The following SAMD5 variants were observed in gnomAD, a reference collection of about 807,000 sequenced individuals.
The protein encoded by SAMD5 is sterile alpha motif domain-containing protein 5.
In SAMD5, 13 loss-of-function variants were observed where a neutral mutation model predicts 11.3. That is an observed-to-expected ratio of 1.15 (90% CI 0.75 to 1.83). The LOEUF (loss-of-function observed/expected upper bound fraction) is 1.83, where lower values mean the gene tolerates loss of function less well. SAMD5 is among the 40% of genes most tolerant of loss of function. The pLI is 0.00. For missense variants in SAMD5, 255 were observed against 239.1 expected (o/e 1.07, Z -0.44); for synonymous variants, 129 against 111.3 (o/e 1.16, Z -1.00).
At chr6:147,938,387 G>A in the SAMD5 span, among the ~76,000 whole-genome samples, 18 of 152,164 alleles carry the variant, frequency 1.2e-4, no homozygotes, top group Non-Finnish European at 2.5e-4. Context: ...TACCTCTTTT[G>A]TGCTACTAAT....
the SAMD5 span, among the ~76,000 whole-genome samples, chr6:147,841,188 C>G: frequency 1.3e-5 from 2 of 152,156 alleles, no homozygotes; most frequent in Non-Finnish European, 2.9e-5. Flanking sequence ...GCTTCATTAT[C>G]TGCGTTTTGA....
chr6:147,919,363 G>A, the SAMD5 span, among the ~76,000 whole-genome samples: 1 of 152,186 alleles, frequency 6.6e-6, no homozygotes, highest in East Asian at 1.9e-4. Flanking sequence ...ATAACTTGGG[G>A]GCCGTCATGT....
chr6:147,511,607 T>G (rs1554229681), intron 1 of SAMD5, among the ~76,000 whole-genome samples: 1 of 141,972 alleles, frequency 7.0e-6, no homozygotes, highest in Non-Finnish European at 1.5e-5. Flanking sequence ...ATCTCCCTCA[T>G]TGATCCTTGA....
intron 1 of SAMD5, among the ~76,000 whole-genome samples, chr6:147,541,405 T>A (rs1040823447): frequency 6.6e-6 from 1 of 152,176 alleles, no homozygotes; most frequent in African/African-American, 2.4e-5. Flanking sequence ...CAAACATTAG[T>A]CACCTTGTTC....
At chr6:147,558,596 T>TC (rs1016394357) in intron 1 of SAMD5, among the ~76,000 whole-genome samples, 98 of 151,568 alleles carry the variant, frequency 6.5e-4, no homozygotes, top group Non-Finnish European at 1.1e-3. Context: ...TTTTCGAATC[T>TC]CCCCCCCGTC....
chr6:147,560,326 G>A (rs1225902116), intron 1 of SAMD5, among the ~76,000 whole-genome samples: 2 of 152,172 alleles, frequency 1.3e-5, no homozygotes, highest in African/African-American at 2.4e-5. Context: ...AAAATCTTGT[G>A]TCTTGTCACC....
intron 1 of SAMD5, among the ~76,000 whole-genome samples, chr6:147,659,260 T>A (rs369759150): frequency 4.0e-5 from 6 of 151,208 alleles, no homozygotes; most frequent in African/African-American, 9.7e-5. Flanking sequence ...TCAGTACATT[T>A]AAAAAAAAAT....
chr6:147,702,817 A>ATGTGTGTGTG (rs147257150), intron 1 of SAMD5, among the ~76,000 whole-genome samples: 1 of 149,942 alleles, frequency 6.7e-6, no homozygotes, highest in East Asian at 2.0e-4. Flanking sequence ...CTATTTGTAT[A>ATGTGTGTGTG]TGTGTGTGTG....
the SAMD5 span, among the ~76,000 whole-genome samples, chr6:147,888,764 A>G: frequency 1.1e-3 from 170 of 152,176 alleles, no homozygotes; most frequent in African/African-American, 3.9e-3. Context: ...AGGTGCCTGT[A>G]ATCCCAGCAA....
At chr6:147,936,518 G>T in the SAMD5 span, among the ~76,000 whole-genome samples, 2 of 152,066 alleles carry the variant, frequency 1.3e-5, no homozygotes, top group African/African-American at 4.8e-5. Context: ...CATGAGGACA[G>T]CACCAAGGGG....
chr6:147,571,150 A>T (rs771808531), downstream of SAMD5, among the ~76,000 whole-genome samples: 3 of 152,112 alleles, frequency 2.0e-5, no homozygotes, highest in Non-Finnish European at 2.9e-5. Context: ...CAGCCTTAAA[A>T]CCTTATGCTT....
chr6:147,918,647 G>C, the SAMD5 span, among the ~76,000 whole-genome samples: 1 of 150,234 alleles, frequency 6.7e-6, no homozygotes, highest in Admixed American at 6.6e-5. Flanking sequence ...CTTCAGGGAA[G>C]ACTCAGGATA....
the SAMD5 span, among the ~76,000 whole-genome samples, chr6:147,864,632 C>T: frequency 3.9e-5 from 6 of 152,176 alleles, no homozygotes; most frequent in African/African-American, 1.2e-4. Flanking sequence ...CTGTGATAGA[C>T]GAGAACCTAC....
chr6:147,818,474 TAAAG>T, the SAMD5 span, among the ~76,000 whole-genome samples: 1 of 152,160 alleles, frequency 6.6e-6, no homozygotes, highest in Non-Finnish European at 1.5e-5. Context: ...ACCTAAATAA[TAAAG>T]AACACAATTT....
chr6:147,720,848 C>G (rs1312949462), intron 1 of SAMD5, among the ~76,000 whole-genome samples: 23 of 111,388 alleles, frequency 2.1e-4, no homozygotes, highest in Admixed American at 6.1e-4. Flanking sequence ...TCCCTCCCCC[C>G]TCCCCCCACC....
At chr6:147,861,412 C>T in the SAMD5 span, among the ~76,000 whole-genome samples, 17 of 152,046 alleles carry the variant, frequency 1.1e-4, no homozygotes, top group South Asian at 2.1e-4. Context: ...GTGATCCGTC[C>T]GCCTCGGCCT....
chr6:147,916,328 A>G, the SAMD5 span, among the ~76,000 whole-genome samples: 538 of 152,196 alleles, frequency 3.5e-3, 2 homozygotes, highest in African/African-American at 0.012. Flanking sequence ...GAATCGCCAC[A>G]CTGTCTTCCA....
At chr6:147,758,852 A>G in the SAMD5 span, among the ~76,000 whole-genome samples, 1 of 152,104 alleles carries the variant, frequency 6.6e-6, no homozygotes, top group Non-Finnish European at 1.5e-5. Flanking sequence ...GCTACTCTGA[A>G]AGAAGGGTAC....
At position 147,694,245 on chromosome 6, in the gene SAMD5, A is replaced by G. The variant is rs537653950; in HGVS notation, c.163-43072A>G. Reference sequence around the variant, plus strand: ...AGTGTAATGTGATAACAATTAACCTATCACTCCTTTTTCTCATATTCTCTC... The same window carrying G: ...AGTGTAATGTGATAACAATTAACCTGTCACTCCTTTTTCTCATATTCTCTC... On this transcript the variant is annotated intron_variant, in intron 1 of 1. Transcript: ENST00000566741. Among the ~76,000 whole-genome samples the G allele has an allele frequency of 5.3e-5, 8 of 152,332 alleles. No homozygotes were observed. In the South Asian group the frequency reaches 1.2e-3, roughly 24 times the overall value.
Sources: gnomAD v4.1 joint callset for allele counts (sites outside exome capture counted in the v4.1 genomes callset) on GRCh38, gnomAD v4.1.1 for gene constraint, MANE v1.5 for transcripts, NCBI Gene and HGNC (gene_info 2026-07-23, HGNC 2026-07-21) for gene names.